PSG9: variants seen among roughly 807,000 people sequenced by gnomAD.
PSG9 encodes pregnancy-specific beta-1-glycoprotein 9.
Under a neutral mutation model 41.9 loss-of-function variants are expected in PSG9, and 49 were observed. The ratio of observed to expected loss-of-function variants is 1.17; its 90% CI spans 0.93 to 1.48. The LOEUF (loss-of-function observed/expected upper bound fraction) is 1.48, where lower values mean the gene tolerates loss of function less well. Ranked by LOEUF, PSG9 falls within the 40% of genes most tolerant of loss-of-function variation. The pLI, the probability that PSG9 is intolerant of heterozygous loss-of-function variation, is 0.00. For missense variants in PSG9, 641 were observed against 520.3 expected, an observed-to-expected ratio of 1.23 and a Z score of -2.26; for synonymous variants, 263 against 196.8, an observed-to-expected ratio of 1.34 and a Z score of -2.82.
intron 2 of PSG9, among the ~76,000 whole-genome samples, chr19:43,267,335 C>T (rs1205695946): frequency 7.2e-5 from 11 of 152,120 alleles, no homozygotes; most frequent in African/African-American, 2.7e-4. Context: ...AGCCACAACC[C>T]AGCACTGGCA....
At chr19:43,263,486 A>G (rs1968821914) in intron 2 of PSG9, among the ~76,000 whole-genome samples, 2 of 152,128 alleles carry the variant, frequency 1.3e-5, no homozygotes, top group African/African-American at 4.8e-5. Flanking sequence ...TGAGCATTTC[A>G]GATTGTGGAT....
At chr19:43,263,955 A>G (rs551437396) in intron 2 of PSG9, among the ~76,000 whole-genome samples, 11 of 152,296 alleles carry the variant, frequency 7.2e-5, no homozygotes, top group African/African-American at 2.6e-4. Context: ...AAAAATGGGG[A>G]GGACTGCAAA....
rs767727794 is a variant in PSG9 at position 43,267,785 on chromosome 19, G to A, written c.429C>T (p.Tyr143=). 2.4e-5 allele frequency: 38 copies of A among 1,612,658 alleles called. No individual in the cohort carries two copies. The highest frequency in any genetic ancestry group is 2.9e-5 in the Non-Finnish European group (34 of 1,179,278). Residue 143 remains tyrosine (Y), a splice_region_variant and synonymous_variant, in exon 2 of 6, where the codon TAC becomes TAT. Transcript: ENST00000270077. ...CAGGGATCATGTGGAATCACTCACA[G>A]TATAAGGTGAAGGTGAAATGTCGAA... ...EEIRHFTFTL[Y]LETPKPYISS...
intron 5 of PSG9, chr19:43,257,124 C>T (rs1968469571): frequency 6.8e-6 from 1 of 147,488 alleles, no homozygotes; most frequent in Non-Finnish European, 1.5e-5. Context: ...TATGTAATTC[C>T]ATTTATAAAA....
intron 2 of PSG9, among the ~76,000 whole-genome samples, chr19:43,262,773 G>A (rs1968787704): frequency 6.6e-6 from 1 of 152,132 alleles, no homozygotes; most frequent in Non-Finnish European, 1.5e-5. Context: ...ACTTGAGCCA[G>A]TGACCTCTAA....
At chr19:43,258,154 T>C in intron 5 of PSG9, 48 bp downstream of exon 5, 1 of 1,591,976 alleles carries the variant, frequency 6.3e-7, no homozygotes, top group Non-Finnish European at 8.5e-7. Flanking sequence ...GAAAGCCAGA[T>C]AGACTCCACA....
Position 43,269,442 on chromosome 19 carries a change from G to A in PSG9, c.-11C>T, listed in dbSNP as rs377122465. ...TGGGAGGGGCCCCATGGTCTCTGCT[G>A]CCTGTGTGTTCTCCTCTGTGGAGAT... On this transcript the variant is annotated 5_prime_UTR_variant, in exon 1 of 6. Coordinates refer to ENST00000270077, the MANE Select transcript of PSG9 (RefSeq NM_002784.5). 6.2e-7 allele frequency: 1 copy of A among 1,613,472 alleles called. No homozygotes were observed. The highest frequency in any genetic ancestry group is 1.1e-5 in the South Asian group (1 of 91,064).
intron 3 of PSG9, among the ~76,000 whole-genome samples, chr19:43,261,531 C>A (rs539213004): frequency 2.0e-4 from 31 of 152,234 alleles, no homozygotes; most frequent in African/African-American, 7.2e-4. Context: ...TGTGGAAGGG[C>A]CACAGTGACC....
At chr19:43,258,761 T>C in intron 4 of PSG9, 96 bp downstream of exon 4, 1 of 1,521,082 alleles carries the variant, frequency 6.6e-7, no homozygotes, top group Non-Finnish European at 8.8e-7. Context: ...AGTAAAGGTG[T>C]CTATACTTGG....
intron 2 of PSG9, among the ~76,000 whole-genome samples, chr19:43,266,354 G>A (rs191407549): frequency 6.6e-6 from 1 of 151,260 alleles, no homozygotes; most frequent in Non-Finnish European, 1.5e-5. Context: ...GATTCTGCAT[G>A]CAAATTCAGT....
chr19:43,257,646 A>T (rs773778059), intron 5 of PSG9: 6 of 1,025,204 alleles, frequency 5.9e-6, no homozygotes, highest in Admixed American at 5.7e-5. Context: ...ACAGGCCACC[A>T]GGGCCCTTTC....
At chr19:43,257,904 C>G in intron 5 of PSG9, 4 of 1,403,036 alleles carry the variant, frequency 2.9e-6, no homozygotes, top group Non-Finnish European at 3.7e-6. Context: ...GCAACTTGAT[C>G]TTGAGGACTC....
chr19:43,258,424 A>G lies in PSG9; in HGVS notation c.1021T>C (p.Phe341Leu). The G allele has an allele frequency of 6.3e-7, 1 of 1,585,766 alleles. No homozygotes were observed. The highest frequency in any genetic ancestry group is 8.5e-7 in the Non-Finnish European group (1 of 1,171,426). The change falls in exon 5 of 6, where the codon TTC becomes CTC. Residue 341 changes from phenylalanine (F) to leucine (L), a missense_variant. Coordinates refer to ENST00000270077, the MANE Select transcript of PSG9 (RefSeq NM_002784.5). ...GPDLPRIYPS[F>L]TYYRSGENLD... is the part of the protein sequence containing the mutation. ...TTTTCTCCTGAACGGTAATAGGTGAATGAAGGGTAAATTCTGGGGAGGTCT... is the reference window on the plus strand; with the variant it reads ...TTTTCTCCTGAACGGTAATAGGTGAGTGAAGGGTAAATTCTGGGGAGGTCT...
rs1311261532 is a variant in PSG9, at chr19:43,256,045, A to G, written c.1243+2157T>C. Among the ~76,000 whole-genome samples the G allele has an allele frequency of 1.4e-5, 2 of 146,730 alleles. 1 individual carries two copies. The highest frequency in any genetic ancestry group is 3.0e-5 in the Non-Finnish European group (2 of 67,388). ...ATCTCATGACTCTAAATAGACACACAGCTTTGAAGAGGAAGAATGAAGCTG... is the reference window on the plus strand; with the variant it reads ...ATCTCATGACTCTAAATAGACACACGGCTTTGAAGAGGAAGAATGAAGCTG... On this transcript the variant is annotated intron_variant, in intron 5 of 5. Coordinates refer to ENST00000270077, the MANE Select transcript of PSG9 (RefSeq NM_002784.5).
Position 43,258,243 on chromosome 19 carries a change from G to A in PSG9, c.1202C>T (p.Thr401Ile), listed in dbSNP as rs202188726. The A allele has an allele frequency of 5.7e-6, 9 of 1,592,866 alleles. 2 individuals are homozygous for A. The highest frequency in any genetic ancestry group is 6.8e-6 in the Non-Finnish European group (8 of 1,174,572). The change falls in exon 5 of 6, where the codon ACT (threonine) becomes ATT (isoleucine). Residue 401 changes from threonine (T) to isoleucine (I), a missense_variant. Transcript: ENST00000270077. ...LYACSVHNSATGKEISKSMTV... is the reference protein window; with the variant it reads ...LYACSVHNSAIGKEISKSMTV... ...CATGGATTTGGAGATTTCCTTGCCA[G>A]TGGCTGAGTTATGAACAGAGCAAGC...
intron 1 of PSG9, 68 bp from the exon 2 acceptor site, chr19:43,268,217 G>T (rs1267727459): frequency 1.0e-5 from 15 of 1,500,400 alleles, no homozygotes; most frequent in South Asian, 1.3e-5. Context: ...TGGGGCCCTG[G>T]GTCCTGAGAA....
intron 2 of PSG9, among the ~76,000 whole-genome samples, chr19:43,262,518 C>G (rs1968775032): frequency 6.6e-6 from 1 of 152,158 alleles, no homozygotes; most frequent in Non-Finnish European, 1.5e-5. Context: ...TTCAGTCTTA[C>G]TTTGCCCCCT....
At chr19:43,255,054 G>T (rs1968396643) in intron 5 of PSG9, among the ~76,000 whole-genome samples, 1 of 138,476 alleles carries the variant, frequency 7.2e-6, no homozygotes, top group Admixed American at 7.4e-5. Context: ...TCACACCACT[G>T]TATTCCATCC....
At position 43,259,115 on chromosome 19, in the gene PSG9, T is replaced by C. The variant is rs747642920; in HGVS notation, c.730A>G (p.Ile244Val). Reference sequence around the variant, plus strand: ...CTGGGGTTTAAGTTGTTGATGGTGATGTAGGGGATGGGCAGCTTCGCTGTG... The same window carrying C: ...CTGGGGTTTAAGTTGTTGATGGTGACGTAGGGGATGGGCAGCTTCGCTGTG... The part of the protein sequence containing the change: ...NLLPKLPIPY[I>V]TINNLNPREN... The change falls in exon 4 of 6, where the codon ATC becomes GTC. Residue 244 changes from isoleucine to valine, a missense_variant. Transcript: ENST00000270077. 7 of 1,590,370 alleles carry C rather than the reference T, an allele frequency of 4.4e-6. 2 individuals are homozygous for C. In the African/African-American group the frequency reaches 5.7e-5, roughly 13 times the overall value.
Sources: gnomAD v4.1 joint callset for allele counts (sites outside exome capture counted in the v4.1 genomes callset) on GRCh38, gnomAD v4.1.1 for gene constraint, MANE v1.5 for transcripts, NCBI Gene and HGNC (gene_info 2026-07-23, HGNC 2026-07-21) for gene names.